The following LRFN5 variants were observed in gnomAD, a reference collection of about 807,000 sequenced individuals.
The protein encoded by LRFN5 is leucine rich repeat and fibronectin type III domain containing 5, also known as leucine-rich repeat and fibronectin type-III domain-containing protein 5.
LRFN5 carries 24 observed loss-of-function variants against 45.6 expected under a neutral mutation model. The ratio of observed to expected loss-of-function variants is 0.53; its 90% CI spans 0.38 to 0.74. The LOEUF is 0.74. Ranked by LOEUF, LRFN5 falls within the 30% of genes least tolerant of loss-of-function variation. The pLI is 0.00. For missense variants in LRFN5, 776 were observed against 861.5 expected, an observed-to-expected ratio of 0.90 and a Z score of 1.24; for synonymous variants, 340 against 313.8, an observed-to-expected ratio of 1.08 and a Z score of -0.88.
intron 1 of LRFN5, chr14:41,610,127 AC>A: frequency 6.6e-6 from 1 of 152,540 alleles, no homozygotes; most frequent in East Asian, 1.9e-4. Context: ...AGCTCAGCGG[AC>A]CCCCTGGCAG....
At chr14:41,879,916 C>CTTTTT (rs34553310) in intron 2 of LRFN5, among the ~76,000 whole-genome samples, 1 of 56,488 alleles carries the variant, frequency 1.8e-5, no homozygotes, top group Non-Finnish European at 3.1e-5. Context: ...TCAATTTTTC[C>CTTTTT]TTTTTTTTTT....
At chr14:41,805,257 AT>A (rs2039925088) in intron 2 of LRFN5, among the ~76,000 whole-genome samples, 1 of 151,588 alleles carries the variant, frequency 6.6e-6, no homozygotes. Flanking sequence ...AAAGTGAAAA[AT>A]ATCAGGAATA....
At chr14:41,705,122 T>C (rs1434470685) in intron 1 of LRFN5, among the ~76,000 whole-genome samples, 2 of 152,102 alleles carry the variant, frequency 1.3e-5, no homozygotes. Context: ...TAACAATTTT[T>C]CATATAAATT....
chr14:41,738,714 C>G (rs1186700319), intron 1 of LRFN5, among the ~76,000 whole-genome samples: 2 of 152,156 alleles, frequency 1.3e-5, no homozygotes, highest in East Asian at 3.8e-4. Flanking sequence ...GATTGCTCAT[C>G]ATTACATTAT....
intron 1 of LRFN5, among the ~76,000 whole-genome samples, chr14:41,756,560 G>A (rs1251380902): frequency 6.6e-6 from 1 of 152,090 alleles, no homozygotes; most frequent in Non-Finnish European, 1.5e-5. Context: ...GGCTACTGAG[G>A]CTTGTGCATT....
At chr14:41,768,252 T>C (rs1885958694) in intron 2 of LRFN5, among the ~76,000 whole-genome samples, 1 of 152,170 alleles carries the variant, frequency 6.6e-6, no homozygotes, top group Non-Finnish European at 1.5e-5. Flanking sequence ...ACATTTAAAA[T>C]AGGCAGCCAG....
chr14:41,838,018 G>A (rs1566475104), intron 2 of LRFN5, among the ~76,000 whole-genome samples: 2 of 152,116 alleles, frequency 1.3e-5, no homozygotes, highest in Non-Finnish European at 1.5e-5. Context: ...ATCTAAAAAG[G>A]ATGTAGACCT....
At chr14:41,883,437 A>G (rs1255614177) in intron 2 of LRFN5, among the ~76,000 whole-genome samples, 2 of 152,108 alleles carry the variant, frequency 1.3e-5, no homozygotes, top group African/African-American at 4.8e-5. Flanking sequence ...AGTTTCTTCC[A>G]TCATATATAA....
intron 2 of LRFN5, among the ~76,000 whole-genome samples, chr14:41,863,747 A>G (rs1239599401): frequency 1.3e-5 from 2 of 152,158 alleles, no homozygotes; most frequent in African/African-American, 2.4e-5. Flanking sequence ...GGTTTGTTAC[A>G]TAGGTATACA....
intron 2 of LRFN5, among the ~76,000 whole-genome samples, chr14:41,802,003 G>T (rs763094531): frequency 6.6e-6 from 1 of 152,108 alleles, no homozygotes; most frequent in Non-Finnish European, 1.5e-5. Context: ...ATGTCTTATG[G>T]TGGAGAAATT....
intron 1 of LRFN5, among the ~76,000 whole-genome samples, chr14:41,720,034 C>T (rs566216637): frequency 9.9e-5 from 15 of 152,002 alleles, no homozygotes; most frequent in African/African-American, 3.6e-4. Context: ...ATGAGTATAT[C>T]GTGTGTTGCT....
intron 1 of LRFN5, among the ~76,000 whole-genome samples, chr14:41,756,375 C>T (rs1338593340): frequency 1.3e-5 from 2 of 152,218 alleles, no homozygotes; most frequent in Non-Finnish European, 2.9e-5. Flanking sequence ...AACTTGGTTC[C>T]ATTCTCCCCG....
chr14:41,863,257 T>A (rs1303830594), intron 2 of LRFN5, among the ~76,000 whole-genome samples: 2 of 152,244 alleles, frequency 1.3e-5, no homozygotes, highest in Non-Finnish European at 2.9e-5. Context: ...CTATCTTATA[T>A]TTGCTTTCTA....
intron 2 of LRFN5, among the ~76,000 whole-genome samples, chr14:41,817,963 C>A (rs1364439666): frequency 6.6e-6 from 1 of 152,110 alleles, no homozygotes; most frequent in Non-Finnish European, 1.5e-5. Flanking sequence ...ATCATGAAAC[C>A]AGAAATTCAA....
intron 1 of LRFN5, among the ~76,000 whole-genome samples, chr14:41,726,869 A>G (rs1198714685): frequency 6.6e-6 from 1 of 152,228 alleles, no homozygotes. Flanking sequence ...ATATAGGACT[A>G]TAGTAAGAGT....
At chr14:41,752,556 T>C (rs1215829487) in intron 1 of LRFN5, among the ~76,000 whole-genome samples, 1 of 152,238 alleles carries the variant, frequency 6.6e-6, no homozygotes, top group African/African-American at 2.4e-5. Context: ...CGCTGCTAAA[T>C]GTCTTCTTCT....
intron 1 of LRFN5, among the ~76,000 whole-genome samples, chr14:41,750,271 A>G (rs1481810190): frequency 3.4e-4 from 3 of 8,842 alleles, no homozygotes; most frequent in Non-Finnish European, 5.6e-4. Flanking sequence ...CTTTTCTTAT[A>G]TATATATATA....
chr14:41,796,260 T>C (rs528096234), intron 2 of LRFN5, among the ~76,000 whole-genome samples: 42 of 152,138 alleles, frequency 2.8e-4, no homozygotes, highest in African/African-American at 1.0e-3. Flanking sequence ...AGTAATGTTA[T>C]TGTAGAGAAT....
chr14:41,700,142 G>A (rs191475702), intron 1 of LRFN5: 6 of 152,214 alleles, frequency 3.9e-5, no homozygotes, highest in Admixed American at 2.0e-4. Context: ...TGGAGAAGTA[G>A]GTGATTTTGT....
Sources: gnomAD v4.1 joint callset for allele counts (sites outside exome capture counted in the v4.1 genomes callset) on GRCh38, gnomAD v4.1.1 for gene constraint, MANE v1.5 for transcripts, NCBI Gene and HGNC (gene_info 2026-07-23, HGNC 2026-07-21) for gene names.